The following LDHB variants were observed in gnomAD, a reference collection of about 807,000 sequenced individuals.
LDHB encodes lactate dehydrogenase B.
In LDHB, 18 loss-of-function variants were observed where a neutral mutation model predicts 33.4. The observed-to-expected ratio is 0.54, with a 90% CI of 0.37 to 0.80. The LOEUF is 0.80. LDHB is among the 30% of genes least tolerant of loss of function. The pLI is 0.00. For missense variants in LDHB, 345 were observed against 407.9 expected (o/e 0.85, Z 1.33); for synonymous variants, 121 against 140.6 (o/e 0.86, Z 0.98).
In LDHB at chr12:21,654,531, C is replaced by G. The variant is rs780043315; in HGVS notation, c.129+12G>C. On this transcript the variant is annotated intron_variant, in intron 2 of 7. Coordinates refer to ENST00000350669, the MANE Select transcript of LDHB (RefSeq NM_002300.8). ...GAACTTCTCTATCATCTATGGTGTT[C>G]TTGAAATGTACCTTTCCCAGAATGC... is the stretch of plus-strand genomic sequence containing the variant. 1.9e-6 allele frequency: 3 copies of G among 1,613,650 alleles called. No individual in the cohort carries two copies. The highest frequency in any genetic ancestry group is 2.5e-6 in the Non-Finnish European group (3 of 1,179,692).
chr12:21,642,111 AC>A lies in LDHB; in HGVS notation c.435del (p.Tyr146MetfsTer6). On this transcript the variant is annotated frameshift_variant, in exon 5 of 8. Coordinates refer to ENST00000350669, the MANE Select transcript of LDHB (RefSeq NM_002300.8). LOFTEE classifies it high-confidence loss of function. ...IVVSNPVDIL[T>X]YVTWKLSGLP... ...AATCCACTTAGTTTCCAGGTAACAT[AC>A]GTAAGAATGTCCACTAAAAATTTTG... 6.2e-7 allele frequency: 1 copy of A among 1,612,836 alleles called. No homozygotes were observed. The highest frequency in any genetic ancestry group is 2.2e-5 in the East Asian group (1 of 44,846).
At chr12:21,648,637 C>T (rs1477805420) in intron 2 of LDHB, among the ~76,000 whole-genome samples, 2 of 152,042 alleles carry the variant, frequency 1.3e-5, no homozygotes, top group Non-Finnish European at 2.9e-5. Context: ...GGCCACCAGA[C>T]GGAGATGCAG....
intron 1 of LDHB, among the ~76,000 whole-genome samples, chr12:21,655,524 T>C (rs1938818423): frequency 6.6e-6 from 1 of 152,266 alleles, no homozygotes; most frequent in Non-Finnish European, 1.5e-5. Flanking sequence ...GCATACTTAA[T>C]ACATAGTGAC....
intron 2 of LDHB, among the ~76,000 whole-genome samples, chr12:21,652,417 A>C (rs920408568): frequency 2.0e-5 from 3 of 152,196 alleles, no homozygotes; most frequent in Admixed American, 1.3e-4. Context: ...CCTATCTCCT[A>C]AGGTTGTTTA....
chr12:21,653,875 C>T (rs966378254), intron 2 of LDHB, among the ~76,000 whole-genome samples: 1 of 152,104 alleles, frequency 6.6e-6, no homozygotes, highest in Non-Finnish European at 1.5e-5. Flanking sequence ...GCACAGATTA[C>T]TTATTAATTA....
chr12:21,646,062 T>C (rs1055963888), intron 3 of LDHB, among the ~76,000 whole-genome samples: 1 of 152,148 alleles, frequency 6.6e-6, no homozygotes, highest in African/African-American at 2.4e-5. Flanking sequence ...TTAATGTAAG[T>C]GATACTTGAG....
intron 3 of LDHB, 93 bp from the exon 4 acceptor site, chr12:21,644,201 A>G (rs992271120): frequency 8.8e-6 from 8 of 906,762 alleles, no homozygotes; most frequent in Non-Finnish European, 1.4e-5. Flanking sequence ...AACCATACAT[A>G]AGCTTCTAGA....
chr12:21,637,799 T>G (rs1396675420), intron 6 of LDHB, among the ~76,000 whole-genome samples: 1 of 152,016 alleles, frequency 6.6e-6, no homozygotes, highest in Admixed American at 6.6e-5. Flanking sequence ...GGGTGAGCCA[T>G]AGTTTTCTCA....
intron 2 of LDHB, among the ~76,000 whole-genome samples, chr12:21,649,134 G>A (rs1413093414): frequency 6.6e-6 from 1 of 152,118 alleles, no homozygotes; most frequent in Admixed American, 6.6e-5. Flanking sequence ...CTGAGCACTG[G>A]GAATATCACT....
intron 2 of LDHB, among the ~76,000 whole-genome samples, chr12:21,652,835 G>GACTAGTTACCTAGTCAATT: frequency 6.7e-6 from 1 of 148,724 alleles, no homozygotes; most frequent in Admixed American, 6.6e-5. Context: ...AAATGCAAAA[G>GACTAGTTACCTAGTCAATT]GATAAAATGT....
chr12:21,651,467 G>GA (rs1015284948), intron 2 of LDHB, among the ~76,000 whole-genome samples: 2 of 152,186 alleles, frequency 1.3e-5, no homozygotes, highest in African/African-American at 4.8e-5. Context: ...TGGGCTTCGC[G>GA]AATCTGGCTA....
intron 3 of LDHB, among the ~76,000 whole-genome samples, chr12:21,644,340 C>A (rs756499902): frequency 2.1e-5 from 3 of 144,662 alleles, no homozygotes; most frequent in Non-Finnish European, 4.5e-5. Flanking sequence ...ATAAAGATGA[C>A]CCGAAAGTAT....
At chr12:21,644,205 T>G in intron 3 of LDHB, 97 bp from the exon 4 acceptor site, 1 of 870,742 alleles carries the variant, frequency 1.1e-6, no homozygotes, top group Non-Finnish European at 1.8e-6. Context: ...ATACATAAGC[T>G]TCTAGAACAT....
chr12:21,655,526 C>G (rs1229760926), intron 1 of LDHB, among the ~76,000 whole-genome samples: 1 of 152,216 alleles, frequency 6.6e-6, no homozygotes, highest in Non-Finnish European at 1.5e-5. Flanking sequence ...ATACTTAATA[C>G]ATAGTGACAA....
chr12:21,638,371 T>TGCA lies in LDHB; in HGVS notation c.692_694dup (p.Val231_His232insLeu). On this transcript the variant is annotated inframe_insertion, in exon 6 of 8. Coordinates refer to ENST00000350669, the MANE Select transcript of LDHB (RefSeq NM_002300.8). ...CACTTACCTTTCAACCACCATCTTATGCACTTCCTTCCAATTTTCACTATC... is the reference window on the plus strand; with the variant it reads ...CACTTACCTTTCAACCACCATCTTATGCAGCACTTCCTTCCAATTTTCACTATC... 6.3e-7 allele frequency: 1 copy of TGCA among 1,595,388 alleles called. No individual in the cohort carries two copies. The highest frequency in any genetic ancestry group is 8.6e-7 in the Non-Finnish European group (1 of 1,163,390).
chr12:21,640,675 C>T (rs1938348925), intron 5 of LDHB, among the ~76,000 whole-genome samples: 1 of 151,986 alleles, frequency 6.6e-6, no homozygotes, highest in African/African-American at 2.4e-5. Flanking sequence ...GTAGCACAAG[C>T]ACACCTATGC....
intron 2 of LDHB, among the ~76,000 whole-genome samples, chr12:21,648,594 G>A (rs1378168854): frequency 1.3e-5 from 2 of 152,016 alleles, no homozygotes; most frequent in Non-Finnish European, 2.9e-5. Flanking sequence ...TGAAGAATAA[G>A]GTGGAATAAG....
intron 2 of LDHB, among the ~76,000 whole-genome samples, chr12:21,649,368 T>A (rs1162952826): frequency 1.3e-5 from 2 of 152,226 alleles, no homozygotes; most frequent in Non-Finnish European, 2.9e-5. Flanking sequence ...CAGCACTGAA[T>A]ATCCCCCAAA....
chr12:21,646,130 C>T (rs377633931), intron 3 of LDHB, among the ~76,000 whole-genome samples: 9 of 152,020 alleles, frequency 5.9e-5, no homozygotes, highest in African/African-American at 2.2e-4. Flanking sequence ...ACCAGATTCA[C>T]CAGGATGGGA....
Sources: allele counts gnomAD v4.1 joint callset (sites outside exome capture counted in the v4.1 genomes callset), GRCh38; gene constraint gnomAD v4.1.1; transcripts MANE v1.5; gene names NCBI Gene and HGNC (gene_info 2026-07-23, HGNC 2026-07-21).